TMEM70: variants seen among roughly 807,000 people sequenced by gnomAD.
TMEM70 encodes transmembrane protein 70, also known as transmembrane protein 70, mitochondrial.
In TMEM70, 15 loss-of-function variants were observed where a neutral mutation model predicts 20.5. The ratio of observed to expected loss-of-function variants is 0.73; its 90% CI spans 0.49 to 1.13. TMEM70 has a LOEUF of 1.13. TMEM70 is among the 50% of genes most tolerant of loss of function. The pLI is 0.00. For synonymous variants in TMEM70, 141 were observed against 134.2 expected (o/e 1.05, Z -0.35); for missense variants, 344 against 331.7 (o/e 1.04, Z -0.29).
In TMEM70 at chr8:73,981,438, G is replaced by T; in HGVS notation, c.600G>T (p.Val200=). Residue 200 remains valine, a synonymous_variant, in exon 3 of 3, where the codon GTG becomes GTT. Transcript: ENST00000312184. ...ETSTVFHQND[V]KIPDAKHVFT... ...GTACAGTGTTTCACCAGAATGATGT[G>T]AAGATTCCAGATGCTAAACATGTAT... The T allele has an allele frequency of 1.2e-6, 2 of 1,614,192 alleles. No homozygotes were observed. Among genetic ancestry groups the T allele is most frequent in the Non-Finnish European group, 8.5e-7 (1 of 1,180,034 alleles).
In TMEM70 at chr8:73,978,641, T is replaced by C. The variant is rs939948366; in HGVS notation, c.211-115T>C. ...GGAAGCAGAGGTTGCAATGGTGAGC[T>C]GAGATCGCACCACTGCCCTCCAGTC... On this transcript the variant is annotated intron_variant, in intron 1 of 2. Coordinates refer to ENST00000312184, the MANE Select transcript of TMEM70 (RefSeq NM_017866.6). 12 of 1,060,490 alleles carry C rather than the reference T, an allele frequency of 1.1e-5. 1 individual carries two copies. Among genetic ancestry groups the C allele is most frequent in the Admixed American group, 6.3e-5 (3 of 47,350 alleles). 65.7% of individuals were successfully genotyped at this position (1,060,490 alleles called of 1,614,324 possible). A position where few individuals can be genotyped will look rare whatever the true frequency, so the allele number is the denominator to read the frequency against.
Position 73,979,363 on chromosome 8 carries a change from C to T in TMEM70, c.316+502C>T, listed in dbSNP as rs1815733403. Reference sequence around the variant, plus strand: ...TTTTAATATTTCGAAGGGGTAACTTCCCCTCATTGCTTTATTTTTTTATTT... The same window carrying T: ...TTTTAATATTTCGAAGGGGTAACTTTCCCTCATTGCTTTATTTTTTTATTT... On this transcript the variant is annotated intron_variant, in intron 2 of 2. Transcript: ENST00000312184. Among the ~76,000 whole-genome samples the T allele has an allele frequency of 2.0e-5, 3 of 152,052 alleles. No individual in the cohort carries two copies. The South Asian group carries it at 6.2e-4, about 32-fold the overall frequency.
Position 73,981,350 on chromosome 8 carries a change from A to G in TMEM70, c.512A>G (p.Tyr171Cys), listed in dbSNP as rs1299751056. 2 of 1,614,210 alleles carry G rather than the reference A, an allele frequency of 1.2e-6. No individual in the cohort carries two copies. Among genetic ancestry groups the G allele is most frequent in the East Asian group, 2.2e-5 (1 of 44,880 alleles). The change falls in exon 3 of 3, where the codon TAC becomes TGC. Residue 171 changes from tyrosine (Y) to cysteine (C), a missense_variant. By Grantham distance (194) the Tyr-to-Cys change is radical. Transcript: ENST00000312184. The stretch of plus-strand genomic sequence containing the variant: ...ACAAAAGGCTATGTCATTCGATTGT[A>G]CCATGAGGCCACAACAGACACTTAT... ...FITKGYVIRL[Y>C]HEATTDTYKA...
Position 73,976,253 on chromosome 8 carries a change from G to A in TMEM70, c.-29G>A, listed in dbSNP as rs750345441. On this transcript the variant is annotated 5_prime_UTR_variant, in exon 1 of 3. Coordinates refer to ENST00000312184, the MANE Select transcript of TMEM70 (RefSeq NM_017866.6). ...CGCAGTCGTGGACTCGTGCAGCTGG[G>A]GCGTCCGCAGCCGCTCGTCACCCGC... The A allele has an allele frequency of 1.3e-6, 2 of 1,589,158 alleles. No individual in the cohort carries two copies. The highest frequency in any genetic ancestry group is 1.7e-5 in the Admixed American group (1 of 59,028).
intron 2 of TMEM70, 85 bp downstream of exon 2, chr8:73,978,946 A>G: frequency 6.6e-7 from 1 of 1,506,514 alleles, no homozygotes; most frequent in Non-Finnish European, 9.1e-7. Flanking sequence ...ACTTGTTGTT[A>G]TGGCATCCCT....
Position 73,976,314 on chromosome 8 carries a change from G to T in TMEM70, c.33G>T (p.Ala11=). The T allele has an allele frequency of 1.2e-6, 2 of 1,600,860 alleles. No individual in the cohort carries two copies. The highest frequency in any genetic ancestry group is 1.7e-6 in the Non-Finnish European group (2 of 1,179,590). Residue 11 remains alanine, a synonymous_variant, in exon 1 of 3, where the codon GCG becomes GCT. Transcript: ENST00000312184. MLFLALGSPW[A]VELPLCGRRT... ...TTCTGGCGTTGGGCAGCCCGTGGGC[G>T]GTCGAACTGCCTCTCTGCGGAAGGA...
At chr8:73,976,835 A>G (rs1201794951) in intron 1 of TMEM70, among the ~76,000 whole-genome samples, 1 of 152,236 alleles carries the variant, frequency 6.6e-6, no homozygotes, top group Admixed American at 6.5e-5. Flanking sequence ...AATAGAACCG[A>G]AAGAGCCAGG....
In TMEM70 at chr8:73,978,866, G is replaced by A; in HGVS notation, c.316+5G>A. Reference sequence around the variant, plus strand: ...ATATGGCCCGAGCAGTGTTTGGTAAGTAATTGGAGGTGGGTGTACTTACTT... The same window carrying A: ...ATATGGCCCGAGCAGTGTTTGGTAAATAATTGGAGGTGGGTGTACTTACTT... On this transcript the variant is annotated splice_donor_5th_base_variant and intron_variant, in intron 2 of 2. Coordinates refer to ENST00000312184, the MANE Select transcript of TMEM70 (RefSeq NM_017866.6). 1.2e-6 allele frequency: 2 copies of A among 1,614,052 alleles called. No individual in the cohort carries two copies. Among genetic ancestry groups the A allele is most frequent in the Non-Finnish European group, 1.7e-6 (2 of 1,179,988 alleles).
In TMEM70 at chr8:73,982,338, C is replaced by A; in HGVS notation, c.*717C>A. ...ACAAGAAAAACTTACGGTGAAGGTT[C>A]TAAGGCATGGGATCGTTTCCAGATG... On this transcript the variant is annotated 3_prime_UTR_variant, in exon 3 of 3. Transcript: ENST00000312184. 1.4e-6 allele frequency: 1 copy of A among 690,188 alleles called. No homozygotes were observed. Among genetic ancestry groups the A allele is most frequent in the South Asian group, 1.3e-5 (1 of 74,270 alleles). 42.8% of individuals were successfully genotyped at this position (690,188 alleles called of 1,614,324 possible).
In TMEM70 at chr8:73,982,160, G is replaced by A. The variant is rs745827312; in HGVS notation, c.*539G>A. The A allele has an allele frequency of 2.2e-5, 12 of 536,368 alleles. No individual in the cohort carries two copies. The allele number at this position is 536,368 out of a possible 1,614,324, so 33.2% of individuals were successfully genotyped here. A position where few individuals can be genotyped will look rare whatever the true frequency, so the allele number is the denominator to read the frequency against. On this transcript the variant is annotated 3_prime_UTR_variant, in exon 3 of 3. Coordinates refer to ENST00000312184, the MANE Select transcript of TMEM70 (RefSeq NM_017866.6). ...AACATACCAGAAAAACACCCGTGGA[G>A]TCAGAGGTGGCAATTCACCGAATTC...
At position 73,981,786 on chromosome 8, in the gene TMEM70, T is replaced by G. The variant is rs1312762886; in HGVS notation, c.*165T>G. The G allele has an allele frequency of 6.9e-6, 5 of 725,094 alleles. No individual in the cohort carries two copies. The Admixed American group carries it at 1.0e-4, about 15-fold the overall frequency. 44.9% of individuals were successfully genotyped at this position (725,094 alleles called of 1,614,324 possible). On this transcript the variant is annotated 3_prime_UTR_variant, in exon 3 of 3. Transcript: ENST00000312184. ...TTTGTTTATAATAAAACAAGCTATG[T>G]TTGAAAACCAAAATGTAGTATCTAC...
Position 73,982,142 on chromosome 8 carries a change from C to G in TMEM70, c.*521C>G, listed in dbSNP as rs1195288540. On this transcript the variant is annotated 3_prime_UTR_variant, in exon 3 of 3. Coordinates refer to ENST00000312184, the MANE Select transcript of TMEM70 (RefSeq NM_017866.6). ...CAGCAGCCATGGCTTTTAAACATAC[C>G]AGAAAAACACCCGTGGAGTCAGAGG... The G allele has an allele frequency of 1.9e-6, 1 of 523,966 alleles. No individual in the cohort carries two copies. The highest frequency in any genetic ancestry group is 3.8e-6 in the Non-Finnish European group (1 of 264,140). The allele number at this position is 523,966 out of a possible 1,614,324, so 32.5% of individuals were successfully genotyped here.
Position 73,982,001 on chromosome 8 carries a change from G to A in TMEM70, c.*380G>A. On this transcript the variant is annotated 3_prime_UTR_variant, in exon 3 of 3. Coordinates refer to ENST00000312184, the MANE Select transcript of TMEM70 (RefSeq NM_017866.6). ...CATTAAAAGACATTTTCTCTTTGAG[G>A]AAGACACAGTCATAGGTGGTGCGGA... 2.1e-6 allele frequency: 1 copy of A among 467,028 alleles called. No homozygotes were observed. The highest frequency in any genetic ancestry group is 2.0e-5 in the African/African-American group (1 of 50,702). The allele number at this position is 467,028 out of a possible 1,614,324, so 28.9% of individuals were successfully genotyped here. A position where few individuals can be genotyped will look rare whatever the true frequency, so the allele number is the denominator to read the frequency against.
At chr8:73,980,182 AG>A (rs1351453421) in intron 2 of TMEM70, among the ~76,000 whole-genome samples, 3 of 151,900 alleles carry the variant, frequency 2.0e-5, no homozygotes, top group Non-Finnish European at 4.4e-5. Context: ...TCCACCTCCC[AG>A]GTTCAAGCAA....
rs1445268250 is a variant in TMEM70 at position 73,982,735 on chromosome 8, G to A, written c.*1114G>A. 6.6e-6 allele frequency: 3 copies of A among 455,100 alleles called. No individual in the cohort carries two copies. The highest frequency in any genetic ancestry group is 6.9e-4 in the Middle Eastern group (1 of 1,454). The allele number at this position is 455,100 out of a possible 1,614,324, so 28.2% of individuals were successfully genotyped here. Reference sequence around the variant, plus strand: ...GCAACTGTGCACTCCTCCCTTGGTGGCACCCTATGGGTGTAGGAAAACCAC... The same window carrying A: ...GCAACTGTGCACTCCTCCCTTGGTGACACCCTATGGGTGTAGGAAAACCAC... On this transcript the variant is annotated 3_prime_UTR_variant, in exon 3 of 3. Coordinates refer to ENST00000312184, the MANE Select transcript of TMEM70 (RefSeq NM_017866.6).
rs148312354 is a variant in TMEM70 at position 73,978,814 on chromosome 8, A to C, written c.269A>C (p.Glu90Ala). ...RFLNTPSDKS[E>A]DGRLIYTGNM... is the part of the protein sequence containing the mutation. Reference sequence around the variant, plus strand: ...TTAAATACGCCATCTGACAAATCAGAAGATGGAAGGCTAATTTATACTGGC... The same window carrying C: ...TTAAATACGCCATCTGACAAATCAGCAGATGGAAGGCTAATTTATACTGGC... Residue 90 changes from glutamate (E) to alanine (A), a missense_variant, in exon 2 of 3, where the codon GAA becomes GCA. By Grantham distance (107) the Glu-to-Ala change is moderately radical. Coordinates refer to ENST00000312184, the MANE Select transcript of TMEM70 (RefSeq NM_017866.6). The C allele has an allele frequency of 6.2e-7, 1 of 1,613,910 alleles. No homozygotes were observed. Among genetic ancestry groups the C allele is most frequent in the East Asian group, 2.2e-5 (1 of 44,888 alleles).
rs543753129 is a variant in TMEM70 at position 73,982,427 on chromosome 8, A to G, written c.*806A>G. 1.4e-5 allele frequency: 11 copies of G among 802,110 alleles called. No individual in the cohort carries two copies. The East Asian group carries it at 2.1e-4, about 15-fold the overall frequency. The allele number at this position is 802,110 out of a possible 1,614,324, so 49.7% of individuals were successfully genotyped here. A position where few individuals can be genotyped will look rare whatever the true frequency, so the allele number is the denominator to read the frequency against. On this transcript the variant is annotated 3_prime_UTR_variant, in exon 3 of 3. Transcript: ENST00000312184. ...GATAGTTAAGCAGATTACTTCCATCAGTATTGAGCCAGGAGTTGAGATGGA... is the reference window on the plus strand; with the variant it reads ...GATAGTTAAGCAGATTACTTCCATCGGTATTGAGCCAGGAGTTGAGATGGA...
rs759818735 is a variant in TMEM70 at position 73,976,201 on chromosome 8, G to A, written c.-81G>A. The A allele has an allele frequency of 8.1e-6, 11 of 1,352,292 alleles. No homozygotes were observed. The South Asian group carries it at 1.4e-4, about 17-fold the overall frequency. 83.8% of individuals were successfully genotyped at this position (1,352,292 alleles called of 1,614,324 possible). ...CCCGGGCTGGGCATGCGCCACTTGTGCGGCAGTCGGGTGGGAAGCCGTGTC... is the reference window on the plus strand; with the variant it reads ...CCCGGGCTGGGCATGCGCCACTTGTACGGCAGTCGGGTGGGAAGCCGTGTC... On this transcript the variant is annotated 5_prime_UTR_variant, in exon 1 of 3. Transcript: ENST00000312184.
chr8:73,982,043 T>A lies in TMEM70; in HGVS notation c.*422T>A, dbSNP rs1212879110. 6.4e-6 allele frequency: 3 copies of A among 466,038 alleles called. No individual in the cohort carries two copies. In the Admixed American group the frequency reaches 7.0e-5, roughly 11 times the overall value. The allele number at this position is 466,038 out of a possible 1,614,324, so 28.9% of individuals were successfully genotyped here. ...TGGTGCGGAGCTGTGGTCCACCTGC[T>A]CCTGCTCCTGACTCACTGCTCTTTG... On this transcript the variant is annotated 3_prime_UTR_variant, in exon 3 of 3. Transcript: ENST00000312184.
Sources: gnomAD v4.1 joint callset for allele counts (sites outside exome capture counted in the v4.1 genomes callset) on GRCh38, gnomAD v4.1.1 for gene constraint, MANE v1.5 for transcripts, NCBI Gene and HGNC (gene_info 2026-07-23, HGNC 2026-07-21) for gene names.